ENTPD2: variants seen among roughly 807,000 people sequenced by gnomAD.
ENTPD2 encodes CD39 antigen-like 1.
Under a neutral mutation model 46.8 loss-of-function variants are expected in ENTPD2, and 48 were observed. The observed-to-expected ratio is 1.03, with a 90% CI of 0.81 to 1.30. ENTPD2 has a LOEUF of 1.30. Among genes scored for constraint, ENTPD2 ranks in the 50% most tolerant of loss-of-function variants. The probability of loss-of-function intolerance (pLI) is 0.00; values close to 1 mark genes in which losing one functional copy is unlikely to be tolerated. For missense variants in ENTPD2, 707 were observed against 651.1 expected (o/e 1.09, Z -0.93); for synonymous variants, 316 against 286.1 (o/e 1.10, Z -1.06).
At chr9:137,052,388 G>C in intron 1 of ENTPD2, 40 bp from the exon 2 acceptor site, 1 of 1,408,888 alleles carries the variant, frequency 7.1e-7, no homozygotes, top group Non-Finnish European at 9.9e-7. Flanking sequence ...GGGTGTCCGG[G>C]GGCCCTGACA....
Position 137,048,824 on chromosome 9 carries a change from T to C in ENTPD2, c.1321A>G (p.Met441Val). ...DTAVGWALGYMLNLTNLIPAD... is the reference protein window; with the variant it reads ...DTAVGWALGYVLNLTNLIPAD... ...GGGATCAGGTTGGTCAGGTTCAGCATGTAGCCGAGCGCCCAGCCCACTGCA... is the reference window on the plus strand; with the variant it reads ...GGGATCAGGTTGGTCAGGTTCAGCACGTAGCCGAGCGCCCAGCCCACTGCA... Residue 441 changes from methionine (M) to valine (V), a missense_variant, in exon 9 of 9, where the codon ATG (methionine) becomes GTG (valine). Transcript: ENST00000355097. The C allele has an allele frequency of 1.3e-6, 2 of 1,564,742 alleles. No homozygotes were observed. Among genetic ancestry groups the C allele is most frequent in the South Asian group, 1.2e-5 (1 of 83,400 alleles).
chr9:137,048,588 G>A lies in ENTPD2; in HGVS notation c.*69C>T. 1 of 1,397,634 alleles carries A rather than the reference G, an allele frequency of 7.2e-7. No individual in the cohort carries two copies. The highest frequency in any genetic ancestry group is 1.4e-5 in the South Asian group (1 of 73,852). 86.6% of individuals were successfully genotyped at this position (1,397,634 alleles called of 1,614,324 possible). The stretch of plus-strand genomic sequence containing the variant: ...GGGGTGGGAGGTACAGGGGTTGTGG[G>A]AGGGGTGGGAGTACGGGGTGGGGAT... On this transcript the variant is annotated 3_prime_UTR_variant, in exon 9 of 9. Transcript: ENST00000355097.
At chr9:137,052,665 G>C (rs1832324111) in intron 1 of ENTPD2, 1 of 193,960 alleles carries the variant, frequency 5.2e-6, no homozygotes, top group Non-Finnish European at 1.1e-5. Context: ...GGGTCCCCAG[G>C]GACTTTTCCC....
Sources: allele counts gnomAD v4.1 joint callset, GRCh38; gene constraint gnomAD v4.1.1; transcripts MANE v1.5; gene names NCBI Gene and HGNC (gene_info 2026-07-23, HGNC 2026-07-21).